The following RBFOX1 variants were observed in gnomAD, a reference collection of about 807,000 sequenced individuals.
The protein encoded by RBFOX1 is RNA binding fox-1 homolog 1, also known as RNA binding protein fox-1 homolog 1.
A neutral mutation model predicts 57.7 loss-of-function variants in RBFOX1; 8 were observed. The ratio of observed to expected loss-of-function variants is 0.14; its 90% CI spans 0.08 to 0.25. The LOEUF (loss-of-function observed/expected upper bound fraction) is 0.25. RBFOX1 is among the 10% of genes least tolerant of loss of function. The pLI is 1.00. For missense variants in RBFOX1, 611 were observed against 548.5 expected, an observed-to-expected ratio of 1.11 and a Z score of -1.14; for synonymous variants, 326 against 222.4, an observed-to-expected ratio of 1.47 and a Z score of -4.15.
chr16:7,684,821 G>C (rs766408660), intron 14 of RBFOX1, among the ~76,000 whole-genome samples: 1 of 152,032 alleles, frequency 6.6e-6, no homozygotes, highest in African/African-American at 2.4e-5. Context: ...GGGAGTGGAG[G>C]CACTTTAATA....
chr16:7,080,086 T>C (rs2058960311), intron 4 of RBFOX1, among the ~76,000 whole-genome samples: 1 of 143,418 alleles, frequency 7.0e-6, no homozygotes, highest in Non-Finnish European at 1.5e-5. Context: ...TACATATGTA[T>C]ATATGTATAT....
rs188049987 is a variant in RBFOX1 at position 5,710,752 on chromosome 16, C to T, written c.318+111791C>T. Among the ~76,000 whole-genome samples the T allele has an allele frequency of 4.1e-3, 620 of 152,260 alleles. 12 individuals are homozygous for T. Among genetic ancestry groups the T allele is most frequent in the Admixed American group, 0.038 (578 of 15,286 alleles). On this transcript the variant is annotated intron_variant, in intron 3 of 19. Transcript: ENST00000641259. ...ATCTGAAGCAACATGGAGCCTATTA[C>T]CGGCTCTGTGTCCCTGGGGACCCCT...
At chr16:5,899,639 A>C (rs1459166465) in intron 4 of RBFOX1, among the ~76,000 whole-genome samples, 1 of 152,150 alleles carries the variant, frequency 6.6e-6, no homozygotes, top group Non-Finnish European at 1.5e-5. Flanking sequence ...GATTGGGTCA[A>C]AACCCCTCCC....
intron 4 of RBFOX1, among the ~76,000 whole-genome samples, chr16:5,966,883 G>A (rs1247960488): frequency 6.7e-6 from 1 of 149,348 alleles, no homozygotes; most frequent in Non-Finnish European, 1.5e-5. Flanking sequence ...TCACTATCCT[G>A]TCCTCTTCCC....
intron 4 of RBFOX1, among the ~76,000 whole-genome samples, chr16:7,401,984 T>C (rs1377637339): frequency 6.6e-6 from 1 of 152,206 alleles, no homozygotes; most frequent in African/African-American, 2.4e-5. Flanking sequence ...ATGCAGCAGG[T>C]AGATGTTCTT....
chr16:6,557,152 CAT>C (rs1012120726), intron 2 of RBFOX1, among the ~76,000 whole-genome samples: 3 of 142,832 alleles, frequency 2.1e-5, no homozygotes, highest in Non-Finnish European at 4.5e-5. Flanking sequence ...TATATACACA[CAT>C]ATATATACAC....
At chr16:6,747,380 C>T (rs77273502) in intron 3 of RBFOX1, among the ~76,000 whole-genome samples, 15,771 of 151,600 alleles carry the variant, frequency 0.1, 1,107 homozygotes, top group African/African-American at 0.2. Context: ...GCCCTCCAGA[C>T]TGGGCGACAG....
chr16:6,894,273 A>G lies in RBFOX1; in HGVS notation c.-15-157784A>G, dbSNP rs903789043. On this transcript the variant is annotated intron_variant, in intron 3 of 15. Transcript: ENST00000550418. ...TTGGTCATTTCAGCACAGTTTCATA[A>G]TATGTCTCTATTTCCAAGGGGTGGT... Among the ~76,000 whole-genome samples, 69 of 152,190 alleles carry G rather than the reference A, an allele frequency of 4.5e-4. 1 individual carries two copies. Among genetic ancestry groups the G allele is most frequent in the Non-Finnish European group, 3.4e-4 (23 of 68,048 alleles).
At chr16:7,198,963 A>G (rs2087536917) in intron 4 of RBFOX1, among the ~76,000 whole-genome samples, 1 of 152,118 alleles carries the variant, frequency 6.6e-6, no homozygotes, top group East Asian at 1.9e-4. Flanking sequence ...CCTGAAATCA[A>G]CCCTTAGAGA....
At chr16:7,025,403 C>G (rs1390286797) in intron 3 of RBFOX1, among the ~76,000 whole-genome samples, 12 of 152,088 alleles carry the variant, frequency 7.9e-5, no homozygotes, top group South Asian at 4.1e-4. Context: ...GTCCTTATGA[C>G]CTGTATTTTG....
chr16:5,587,340 C>T (rs55937217), intron 2 of RBFOX1, among the ~76,000 whole-genome samples: 6,856 of 152,274 alleles, frequency 0.045, 536 homozygotes, highest in African/African-American at 0.16. Flanking sequence ...TGCTCGACAT[C>T]GTCAGTCATC....
At chr16:5,332,837 C>T (rs902887575) in intron 1 of RBFOX1, among the ~76,000 whole-genome samples, 1 of 151,678 alleles carries the variant, frequency 6.6e-6, no homozygotes, top group African/African-American at 2.4e-5. Context: ...ATAAACCAGC[C>T]CTATTATTTT....
At chr16:6,600,818 GATAGAAAA>G (rs1430696794) in intron 2 of RBFOX1, among the ~76,000 whole-genome samples, 9 of 144,854 alleles carry the variant, frequency 6.2e-5, no homozygotes, top group Middle Eastern at 8.5e-3. Context: ...AGAAAAAAAA[GATAGAAAA>G]AAAATCCCTT....
At chr16:5,612,078 C>G (rs953612028) in intron 3 of RBFOX1, among the ~76,000 whole-genome samples, 1 of 151,140 alleles carries the variant, frequency 6.6e-6, no homozygotes, top group Admixed American at 6.7e-5. Flanking sequence ...TCCCACCCAC[C>G]TACTCTCCCA....
chr16:5,791,618 C>G (rs879726653), intron 3 of RBFOX1, among the ~76,000 whole-genome samples: 3 of 152,156 alleles, frequency 2.0e-5, no homozygotes, highest in Non-Finnish European at 4.4e-5. Context: ...AGTTACTTGA[C>G]TTCCCCAAGG....
At chr16:5,251,280 G>T (rs1430127288) in intron 1 of RBFOX1, among the ~76,000 whole-genome samples, 1 of 152,236 alleles carries the variant, frequency 6.6e-6, no homozygotes, top group Non-Finnish European at 1.5e-5. Context: ...AAGTAAAATG[G>T]GGATAATGTG....
At chr16:6,002,319 A>G (rs960312074) in intron 4 of RBFOX1, among the ~76,000 whole-genome samples, 8 of 152,312 alleles carry the variant, frequency 5.3e-5, no homozygotes, top group South Asian at 4.1e-4. Flanking sequence ...TCCTAGATTA[A>G]CAGGCTAATT....
intron 1 of RBFOX1, among the ~76,000 whole-genome samples, chr16:6,102,106 T>A (rs1597327221): frequency 6.7e-6 from 1 of 150,076 alleles, no homozygotes; most frequent in East Asian, 2.0e-4. Flanking sequence ...TCCTTATAAT[T>A]CAAGTATTCT....
chr16:6,482,639 G>GT (rs1396207560), intron 2 of RBFOX1, among the ~76,000 whole-genome samples: 1 of 152,134 alleles, frequency 6.6e-6, no homozygotes, highest in East Asian at 1.9e-4. Context: ...TTCTCATTTA[G>GT]TACGTAACGT....
Sources: gnomAD v4.1 joint callset for allele counts (sites outside exome capture counted in the v4.1 genomes callset) on GRCh38, gnomAD v4.1.1 for gene constraint, MANE v1.5 for transcripts, NCBI Gene and HGNC (gene_info 2026-07-23, HGNC 2026-07-21) for gene names.